The following CTNNA2 variants were observed in gnomAD, a reference collection of about 807,000 sequenced individuals.
CTNNA2 encodes the protein catenin alpha-2.
A neutral mutation model predicts 101.0 loss-of-function variants in CTNNA2; 42 were observed. That is an observed-to-expected ratio of 0.42 (90% CI 0.32 to 0.54). The LOEUF is 0.54. Ranked by LOEUF, CTNNA2 falls within the 20% of genes least tolerant of loss-of-function variation. CTNNA2 has a pLI of 0.14. For missense variants in CTNNA2, 871 were observed against 1,223.1 expected (o/e 0.71, Z 4.29); for synonymous variants, 450 against 456.4 (o/e 0.99, Z 0.18).
At chr2:79,903,632 T>C (rs1233731948) in intron 6 of CTNNA2, among the ~76,000 whole-genome samples, 1 of 152,034 alleles carries the variant, frequency 6.6e-6, no homozygotes, top group East Asian at 1.9e-4. Flanking sequence ...AAGGATAAAA[T>C]AGGAGTGACT....
intron 7 of CTNNA2, among the ~76,000 whole-genome samples, chr2:80,293,724 C>T (rs1675473181): frequency 6.6e-6 from 1 of 152,146 alleles, no homozygotes; most frequent in African/African-American, 2.4e-5. Flanking sequence ...GATCAGTGTC[C>T]TACTAGGATT....
intron 9 of CTNNA2, among the ~76,000 whole-genome samples, chr2:80,456,502 A>G (rs1387255010): frequency 1.2e-4 from 19 of 152,184 alleles, no homozygotes; most frequent in Non-Finnish European, 4.4e-5. Flanking sequence ...ACTTTGCATG[A>G]CATTCAACTG....
intron 15 of CTNNA2, among the ~76,000 whole-genome samples, chr2:80,592,513 A>G (rs1041733448): frequency 1.3e-5 from 2 of 152,200 alleles, no homozygotes; most frequent in Non-Finnish European, 2.9e-5. Flanking sequence ...TACCTGGAAT[A>G]GTTCAACTTG....
chr2:79,431,009 A>C (rs1678653977), intron 4 of CTNNA2, among the ~76,000 whole-genome samples: 1 of 152,192 alleles, frequency 6.6e-6, no homozygotes, highest in Admixed American at 6.6e-5. Context: ...GAAGCCAAGC[A>C]TTGCTGGAAG....
chr2:79,316,435 A>G (rs951145646), intron 3 of CTNNA2, among the ~76,000 whole-genome samples: 1 of 151,988 alleles, frequency 6.6e-6, no homozygotes, highest in African/African-American at 2.4e-5. Flanking sequence ...TTCCACATGA[A>G]TTTTAGGATT....
At chr2:79,209,029 A>T (rs1674135735) in intron 2 of CTNNA2, among the ~76,000 whole-genome samples, 1 of 152,170 alleles carries the variant, frequency 6.6e-6, no homozygotes, top group African/African-American at 2.4e-5. Flanking sequence ...AAGGATATTC[A>T]TGTAGGTTGG....
At chr2:79,697,830 T>G (rs1002501732) in intron 2 of CTNNA2, 1 of 151,966 alleles carries the variant, frequency 6.6e-6, no homozygotes, top group Non-Finnish European at 1.5e-5. Flanking sequence ...ACTCACCAAA[T>G]AGATTTTCTT....
At chr2:79,855,787 A>G (rs553906069) in intron 3 of CTNNA2, among the ~76,000 whole-genome samples, 3 of 152,330 alleles carry the variant, frequency 2.0e-5, no homozygotes, top group East Asian at 3.9e-4. Flanking sequence ...ATCTATTTCA[A>G]CAGTAGCTGA....
chr2:80,280,930 G>A (rs938884714), intron 7 of CTNNA2, among the ~76,000 whole-genome samples: 1 of 152,088 alleles, frequency 6.6e-6, no homozygotes, highest in African/African-American at 2.4e-5. Context: ...CTGCCAATAA[G>A]GGAGAGAGTA....
chr2:80,000,243 A>G (rs992490248), intron 7 of CTNNA2, among the ~76,000 whole-genome samples: 30 of 152,182 alleles, frequency 2.0e-4, no homozygotes, highest in Admixed American at 3.9e-4. Context: ...CTGTGCTATC[A>G]TATTGACTTA....
At chr2:79,990,149 G>A (rs1366501847) in intron 7 of CTNNA2, among the ~76,000 whole-genome samples, 4 of 152,142 alleles carry the variant, frequency 2.6e-5, no homozygotes, top group Admixed American at 6.5e-5. Context: ...CAAGGGGATG[G>A]CAGGTAGATT....
intron 3 of CTNNA2, among the ~76,000 whole-genome samples, chr2:79,820,347 C>G (rs1207816584): frequency 6.6e-6 from 1 of 151,956 alleles, no homozygotes; most frequent in Non-Finnish European, 1.5e-5. Context: ...AAGTTTTATC[C>G]CAATTCTCTA....
chr2:80,561,574 G>T (rs1216999242), intron 12 of CTNNA2, among the ~76,000 whole-genome samples: 1 of 152,172 alleles, frequency 6.6e-6, no homozygotes, highest in Non-Finnish European at 1.5e-5. Context: ...TACAGTGGAG[G>T]TCTGTGCTAC....
intron 3 of CTNNA2, among the ~76,000 whole-genome samples, chr2:79,356,740 A>G (rs1226475070): frequency 6.6e-6 from 1 of 152,198 alleles, no homozygotes; most frequent in Non-Finnish European, 1.5e-5. Context: ...CAATATAGTG[A>G]GCTTTTCTAT....
chr2:79,864,603 G>T (rs909418730), intron 4 of CTNNA2, among the ~76,000 whole-genome samples: 1 of 152,138 alleles, frequency 6.6e-6, no homozygotes, highest in Non-Finnish European at 1.5e-5. Flanking sequence ...ATGAATGAAT[G>T]AAAAGCTGGC....
At chr2:80,126,761 G>T (rs1231634236) in intron 7 of CTNNA2, among the ~76,000 whole-genome samples, 2 of 151,664 alleles carry the variant, frequency 1.3e-5, no homozygotes, top group East Asian at 3.9e-4. Flanking sequence ...TTCCCTCAGG[G>T]CTTGATTAAA....
chr2:79,258,188 G>C (rs1014289046), intron 2 of CTNNA2, among the ~76,000 whole-genome samples: 1 of 152,146 alleles, frequency 6.6e-6, no homozygotes. Context: ...GCAGGGGGTG[G>C]ATAATTCAAC....
chr2:79,207,692 G>A (rs1674118743), intron 2 of CTNNA2, among the ~76,000 whole-genome samples: 1 of 152,106 alleles, frequency 6.6e-6, no homozygotes, highest in African/African-American at 2.4e-5. Context: ...CTGCAGAGCT[G>A]GTATGGCCAG....
At chr2:79,812,277 A>G (rs905591553) in intron 3 of CTNNA2, among the ~76,000 whole-genome samples, 1 of 152,070 alleles carries the variant, frequency 6.6e-6, no homozygotes, top group East Asian at 1.9e-4. Context: ...CATGGTGAAT[A>G]GAAGTGGTTA....
Sources: allele counts gnomAD v4.1 joint callset (sites outside exome capture counted in the v4.1 genomes callset), GRCh38; gene constraint gnomAD v4.1.1; transcripts MANE v1.5; gene names NCBI Gene and HGNC (gene_info 2026-07-23, HGNC 2026-07-21).